Variants in SYCP2L observed in about 807,000 individuals in gnomAD.
SYCP2L encodes synaptonemal complex protein 2 like, also known as synaptonemal complex protein 2-like.
Under a neutral mutation model 125.8 loss-of-function variants are expected in SYCP2L, and 98 were observed. The ratio of observed to expected loss-of-function variants is 0.78; its 90% CI spans 0.66 to 0.92. The LOEUF (loss-of-function observed/expected upper bound fraction) is 0.92. Ranked by LOEUF, SYCP2L falls within the 40% of genes least tolerant of loss-of-function variation. The probability of loss-of-function intolerance (pLI) is 0.00; values close to 1 mark genes in which losing one functional copy is unlikely to be tolerated. For missense variants in SYCP2L, 842 were observed against 936.4 expected (o/e 0.90, Z 1.32); for synonymous variants, 317 against 325.4 (o/e 0.97, Z 0.28).
Position 10,954,553 on chromosome 6 carries a change from A to T in SYCP2L, c.1955-563A>T, listed in dbSNP as rs1206538573. Among the ~76,000 whole-genome samples the T allele has an allele frequency of 6.6e-6, 1 of 152,208 alleles. No homozygotes were observed. Among genetic ancestry groups the T allele is most frequent in the Non-Finnish European group, 1.5e-5 (1 of 68,040 alleles). On this transcript the variant is annotated intron_variant, in intron 23 of 29. Coordinates refer to ENST00000283141, the MANE Select transcript of SYCP2L (RefSeq NM_001040274.3). The surrounding 1 kb of genome is among the most constrained non-coding windows in gnomAD (Gnocchi z 4.8). Reference sequence around the variant, plus strand: ...ATGATGAGGACCAGACATGTCTGGGATAAAAGTGAACATCAGAATAGAAAA... The same window carrying T: ...ATGATGAGGACCAGACATGTCTGGGTTAAAAGTGAACATCAGAATAGAAAA...
chr6:10,929,218 T>G (rs531346997), intron 18 of SYCP2L, among the ~76,000 whole-genome samples: 1 of 152,262 alleles, frequency 6.6e-6, no homozygotes. Flanking sequence ...CTCTTTTCAT[T>G]CAACTCGGCT....
chr6:10,958,735 A>T, intron 25 of SYCP2L, 49 bp from the exon 26 acceptor site: 2 of 1,525,150 alleles, frequency 1.3e-6, no homozygotes, highest in Non-Finnish European at 1.8e-6. Context: ...CACTCAACTT[A>T]TGTAATTATA....
chr6:10,915,035 C>T (rs9461306), intron 14 of SYCP2L, among the ~76,000 whole-genome samples: 7,051 of 152,090 alleles, frequency 0.046, 413 homozygotes, highest in East Asian at 0.21. Flanking sequence ...CGTGAACCAC[C>T]GCACCTGGCC....
In SYCP2L at chr6:10,957,757, C is replaced by T. The variant is rs181845181; in HGVS notation, c.2164-1027C>T. On this transcript the variant is annotated intron_variant, in intron 25 of 29. Coordinates refer to ENST00000283141, the MANE Select transcript of SYCP2L (RefSeq NM_001040274.3). Reference sequence around the variant, plus strand: ...CCTTGAGTCCAGCAGTTCAAGGTTACAGTGAGCTATGATCATGCCGCTGTG... The same window carrying T: ...CCTTGAGTCCAGCAGTTCAAGGTTATAGTGAGCTATGATCATGCCGCTGTG... 3.5e-3 allele frequency among the ~76,000 whole-genome samples: 528 copies of T among 152,290 alleles called. 2 individuals carry two copies. The highest frequency in any genetic ancestry group is 0.012 in the African/African-American group (506 of 41,558).
chr6:10,920,140 A>G (rs1051635808), intron 14 of SYCP2L, among the ~76,000 whole-genome samples: 4 of 151,984 alleles, frequency 2.6e-5, no homozygotes, highest in African/African-American at 7.2e-5. Flanking sequence ...TCTCAAGGCA[A>G]TCTCCTGGTG....
At position 10,891,570 on chromosome 6, in the gene SYCP2L, G is replaced by C; in HGVS notation, c.67G>C (p.Asp23His). The C allele has an allele frequency of 6.3e-7, 1 of 1,598,136 alleles. No homozygotes were observed. The highest frequency in any genetic ancestry group is 1.3e-5 in the African/African-American group (1 of 74,246). ...KEDRTGKAQDDAFWLQSLITD... is the reference protein window; with the variant it reads ...KEDRTGKAQDHAFWLQSLITD... ...AGACAGGACTGGGAAGGCCCAGGAT[G>C]ATGCTTTCTGGGTAAAGATCAAGTT... Residue 23 changes from aspartate (D) to histidine (H), a missense_variant, in exon 2 of 30, where the codon GAT becomes CAT. By Grantham distance (81) the Asp-to-His change is moderately conservative. Coordinates refer to ENST00000283141, the MANE Select transcript of SYCP2L (RefSeq NM_001040274.3).
intron 15 of SYCP2L, among the ~76,000 whole-genome samples, chr6:10,925,588 C>T (rs1016403131): frequency 2.0e-5 from 3 of 152,136 alleles, no homozygotes; most frequent in African/African-American, 7.2e-5. Flanking sequence ...GAATTAAGAG[C>T]TCAGAGACCA....
At position 10,961,311 on chromosome 6, in the gene SYCP2L, TA is replaced by T; in HGVS notation, c.2265del (p.Lys755AsnfsTer2). 6.2e-7 allele frequency: 1 copy of T among 1,613,992 alleles called. No homozygotes were observed. The highest frequency in any genetic ancestry group is 8.5e-7 in the Non-Finnish European group (1 of 1,179,882). On this transcript the variant is annotated frameshift_variant, in exon 27 of 30. Transcript: ENST00000283141. LOFTEE classifies it high-confidence loss of function. ...CTGCTTTTATGTTTATTAGACTCAATAAACTAGAGCGCTTTCAAAATTTGGT... is the reference window on the plus strand; with the variant it reads ...CTGCTTTTATGTTTATTAGACTCAATAACTAGAGCGCTTTCAAAATTTGGT... ...LNQMQLFRLN[K>X]LERFQNLVLQ...
chr6:10,921,522 C>T (rs1002959619), intron 14 of SYCP2L, among the ~76,000 whole-genome samples: 23 of 152,198 alleles, frequency 1.5e-4, no homozygotes, highest in African/African-American at 4.6e-4. Flanking sequence ...CCTTTTTCTC[C>T]GCAACCTTGC....
At chr6:10,959,595 C>T (rs1392468186) in intron 26 of SYCP2L, among the ~76,000 whole-genome samples, 3 of 152,160 alleles carry the variant, frequency 2.0e-5, no homozygotes, top group Non-Finnish European at 2.9e-5. Flanking sequence ...ACCAGCCAGG[C>T]GTGGTGGCTC....
At chr6:10,910,332 G>T in intron 11 of SYCP2L, 132 bp downstream of exon 11, 1 of 814,582 alleles carries the variant, frequency 1.2e-6, no homozygotes, top group Non-Finnish European at 1.9e-6. Context: ...ATACTGAGTT[G>T]TCCATTGAGT....
chr6:10,905,833 A>G (rs1049229555), intron 8 of SYCP2L, among the ~76,000 whole-genome samples, 187 bp from the exon 9 acceptor site: 12 of 152,210 alleles, frequency 7.9e-5, no homozygotes, highest in African/African-American at 2.7e-4. Flanking sequence ...AATAACATCT[A>G]GATCATTAAT....
At chr6:10,896,083 T>C (rs1581815320) in intron 4 of SYCP2L, among the ~76,000 whole-genome samples, 1 of 151,876 alleles carries the variant, frequency 6.6e-6, no homozygotes, top group Non-Finnish European at 1.5e-5. Context: ...AAGCTGGAGG[T>C]TGTGGTGAGC....
At chr6:10,941,921 T>C (rs1343502125) in intron 21 of SYCP2L, among the ~76,000 whole-genome samples, 3 of 151,898 alleles carry the variant, frequency 2.0e-5, no homozygotes, top group African/African-American at 7.3e-5. Context: ...CCAACAACGA[T>C]AGACTGGATT....
intron 6 of SYCP2L, among the ~76,000 whole-genome samples, chr6:10,901,845 T>C (rs908541662): frequency 6.6e-6 from 1 of 152,220 alleles, no homozygotes; most frequent in Non-Finnish European, 1.5e-5. Flanking sequence ...AGTTTGGAAA[T>C]AGCGTGGCTC....
At chr6:10,937,664 C>CAG (rs966590770) in intron 21 of SYCP2L, among the ~76,000 whole-genome samples, 6 of 151,980 alleles carry the variant, frequency 3.9e-5, no homozygotes, top group African/African-American at 1.4e-4. Flanking sequence ...ATGAAATTGA[C>CAG]AGACCTTTAG....
In SYCP2L at chr6:10,951,567, T is replaced by C. The variant is rs1348796352; in HGVS notation, c.1955-3549T>C. ...TAACTGCATTAATCTATACAAAAGA[T>C]ATTTAGTAGTTCCCATCAAACTGAG... On this transcript the variant is annotated intron_variant, in intron 23 of 29. Coordinates refer to ENST00000283141, the MANE Select transcript of SYCP2L (RefSeq NM_001040274.3). Among the ~76,000 whole-genome samples, 3 of 152,226 alleles carry C rather than the reference T, an allele frequency of 2.0e-5. No homozygotes were observed. In the South Asian group the frequency reaches 6.2e-4, roughly 32 times the overall value.
chr6:10,940,056 AAAG>A (rs1303314231), intron 21 of SYCP2L, among the ~76,000 whole-genome samples: 3 of 151,296 alleles, frequency 2.0e-5, no homozygotes, highest in South Asian at 2.1e-4. Flanking sequence ...TTTTTCCAAA[AAAG>A]AAGCACAAAT....
rs1183717086 is a variant in SYCP2L at position 10,924,377 on chromosome 6, ACTT to A, written c.1073-115_1073-113del. The A allele has an allele frequency of 1.9e-5, 16 of 822,024 alleles. 1 individual carries two copies. The highest frequency in any genetic ancestry group is 5.9e-5 in the South Asian group (2 of 33,992). The allele number at this position is 822,024 out of a possible 1,614,324, so 50.9% of individuals were successfully genotyped here. On this transcript the variant is annotated intron_variant, in intron 14 of 29. Transcript: ENST00000283141. Reference sequence around the variant, plus strand: ...TGTTATTTAATATGATTTCTTTTCAACTTCTTAACACAGAAAAATCTGGACAAA... The same window carrying A: ...TGTTATTTAATATGATTTCTTTTCAACTTAACACAGAAAAATCTGGACAAA...
Sources: allele counts gnomAD v4.1 joint callset (sites outside exome capture counted in the v4.1 genomes callset), GRCh38; gene constraint gnomAD v4.1.1; non-coding constraint Gnocchi (gnomAD v3.1); transcripts MANE v1.5; gene names NCBI Gene and HGNC (gene_info 2026-07-23, HGNC 2026-07-21).